XIAP: variants seen among roughly 807,000 people sequenced by gnomAD.
XIAP encodes the protein X-linked inhibitor of apoptosis, also known as E3 ubiquitin-protein ligase XIAP.
Under a neutral mutation model 33.1 loss-of-function variants are expected in XIAP, and 3 were observed. The observed-to-expected ratio is 0.09, with a 90% confidence interval of 0.04 to 0.23. XIAP has a LOEUF of 0.23. XIAP is among the 10% of genes least tolerant of loss of function. The probability of loss-of-function intolerance (pLI) is 1.00; values close to 1 mark genes in which losing one functional copy is unlikely to be tolerated. For missense variants in XIAP, 264 were observed against 363.0 expected, an observed-to-expected ratio of 0.73 and a Z score of 2.22; for synonymous variants, 98 against 121.3, an observed-to-expected ratio of 0.81 and a Z score of 1.26.
intron 1 of XIAP, among the ~76,000 whole-genome samples, chrX:123,865,223 A>C (rs910606609): frequency 9.1e-6 from 1 of 110,274 alleles, no homozygotes; most frequent in Non-Finnish European, 1.9e-5. Context: ...GATAAGATAA[A>C]AAATACTTTA....
intron 1 of XIAP, among the ~76,000 whole-genome samples, chrX:123,865,499 G>A (rs1382219144): frequency 9.2e-6 from 1 of 108,812 alleles, no homozygotes; most frequent in Non-Finnish European, 1.9e-5. Context: ...AGACTGAGGC[G>A]GGCGGATCAC....
chrX:123,883,589 C>T (rs6608130), intron 1 of XIAP, among the ~76,000 whole-genome samples: 38,783 of 103,606 alleles, frequency 0.37, 5,956 homozygotes, highest in African/African-American at 0.46. Flanking sequence ...CTCTGCCTCC[C>T]GGGTTCAAGC....
chrX:123,876,677 C>T (rs1418346453), intron 1 of XIAP, among the ~76,000 whole-genome samples: 1 of 110,003 alleles, frequency 9.1e-6, no homozygotes, highest in Admixed American at 9.8e-5. Context: ...TGCACTCCAA[C>T]TCGGGCAACA....
intron 1 of XIAP, among the ~76,000 whole-genome samples, chrX:123,870,919 A>AC (rs981216605): frequency 3.6e-5 from 4 of 110,966 alleles, no homozygotes; most frequent in Admixed American, 9.7e-5. Flanking sequence ...ACATAGTAAG[A>AC]CCCCATCTCT....
intron 5 of XIAP, among the ~76,000 whole-genome samples, chrX:123,899,746 G>A (rs1458148781): frequency 4.7e-5 from 5 of 107,160 alleles, no homozygotes; most frequent in Non-Finnish European, 9.6e-5. Flanking sequence ...GCTGTGTAGC[G>A]TATGAATATA....
chrX:123,906,020 A>G (rs1379162029), intron 6 of XIAP, among the ~76,000 whole-genome samples: 1 of 112,898 alleles, frequency 8.9e-6, no homozygotes, highest in East Asian at 2.8e-4. Flanking sequence ...AGATGCTAAA[A>G]TAAATAAATA....
rs35753586 is a variant in XIAP at position 123,890,639 on chromosome X, C to CAA, written c.978-582_978-581dup. Among the ~76,000 whole-genome samples the CAA allele has an allele frequency of 7.0e-3, 406 of 58,234 alleles. 3 individuals are homozygous for CAA. The highest frequency in any genetic ancestry group is 0.017 in the African/African-American group (255 of 15,175). 50.6% of individuals were successfully genotyped at this position (58,234 alleles called of 115,157 possible). A position where few individuals can be genotyped will look rare whatever the true frequency, so the allele number is the denominator to read the frequency against. On this transcript the variant is annotated intron_variant, in intron 3 of 6. Transcript: ENST00000371199. ...TGGGCGACAGAGTGAGACACTGTCT[C>CAA]AAAAAAAAAAAAAAAAAACTAGCCG...
At chrX:123,892,156 AG>A (rs2053414239) in intron 4 of XIAP, among the ~76,000 whole-genome samples, 1 of 111,416 alleles carries the variant, frequency 9.0e-6, no homozygotes, top group African/African-American at 3.3e-5. Flanking sequence ...ACCCAAGGTC[AG>A]GAGTTCGAGA....
intron 1 of XIAP, among the ~76,000 whole-genome samples, chrX:123,883,486 CTT>C (rs1279123828): frequency 4.8e-5 from 4 of 82,735 alleles, no homozygotes; most frequent in African/African-American, 1.9e-4. Context: ...TTTTTCTTTT[CTT>C]TTCTTTTCTT....
chrX:123,897,839 GTGA>G (rs1157974450), intron 5 of XIAP, among the ~76,000 whole-genome samples: 82 of 112,650 alleles, frequency 7.3e-4, no homozygotes, highest in African/African-American at 2.4e-3. Context: ...GATTACAGGC[GTGA>G]GCCACTGTGC....
chrX:123,877,358 C>T lies in XIAP; in HGVS notation c.-32-8273C>T, dbSNP rs762546414. Reference sequence around the variant, plus strand: ...CTGGGATTACAGGCATGAGCCACCACGCCCGGCCATTAACTGCTTTTTACA... The same window carrying T: ...CTGGGATTACAGGCATGAGCCACCATGCCCGGCCATTAACTGCTTTTTACA... On this transcript the variant is annotated intron_variant, in intron 1 of 6. Transcript: ENST00000371199. 1.1e-4 allele frequency among the ~76,000 whole-genome samples: 12 copies of T among 111,783 alleles called. No homozygotes were observed. In the South Asian group the frequency reaches 2.6e-3, roughly 24 times the overall value.
chrX:123,873,967 G>C (rs1429139517), intron 1 of XIAP: 1 of 108,457 alleles, frequency 9.2e-6, no homozygotes, highest in Non-Finnish European at 1.9e-5. Context: ...GGGTTGCTCA[G>C]AGGCAGTTAC....
intron 1 of XIAP, among the ~76,000 whole-genome samples, chrX:123,881,490 CCTT>C (rs1284616250): frequency 1.8e-5 from 2 of 111,213 alleles, no homozygotes; most frequent in Non-Finnish European, 3.8e-5. Flanking sequence ...TGGTTTTCCT[CCTT>C]CTCAAAAAGC....
At chrX:123,863,797 G>A (rs2148068301) in intron 1 of XIAP, among the ~76,000 whole-genome samples, 1 of 111,508 alleles carries the variant, frequency 9.0e-6, no homozygotes, top group Non-Finnish European at 1.9e-5. Context: ...ACCTGGCCCA[G>A]CTGTCTCGTT....
rs145798265 is a variant in XIAP, at chrX:123,876,521, T to C, written c.-32-9110T>C. Among the ~76,000 whole-genome samples, 640 of 110,647 alleles carry C rather than the reference T, an allele frequency of 5.8e-3. 5 individuals carry two copies. Among genetic ancestry groups the C allele is most frequent in the African/African-American group, 0.02 (598 of 30,511 alleles). On this transcript the variant is annotated intron_variant, in intron 1 of 6. Transcript: ENST00000371199. ...GAATTCCAGACCAGCCTGTACAGCA[T>C]AGAGAAACCACATCTCTAAGAAAAC...
intron 1 of XIAP, among the ~76,000 whole-genome samples, chrX:123,883,771 C>T (rs1265065753): frequency 3.6e-5 from 4 of 111,410 alleles, no homozygotes; most frequent in African/African-American, 1.3e-4. Flanking sequence ...GCTGGGATTA[C>T]AGGTGTGAAC....
At chrX:123,891,097 G>C in intron 3 of XIAP, 141 bp from the exon 4 acceptor site, 2 of 350,723 alleles carry the variant, frequency 5.7e-6, no homozygotes, top group Non-Finnish European at 1.0e-5. Flanking sequence ...AGGGAATTGG[G>C]TAACATTTTA....
At chrX:123,864,323 A>G (rs1158068431) in intron 1 of XIAP, among the ~76,000 whole-genome samples, 1 of 110,589 alleles carries the variant, frequency 9.0e-6, no homozygotes, top group African/African-American at 3.3e-5. Flanking sequence ...TCTGGTAGGT[A>G]GTATTAGCAG....
chrX:123,900,412 CTA>C (rs1185868186), intron 5 of XIAP, 79 bp from the exon 6 acceptor site: 2 of 851,357 alleles, frequency 2.3e-6, no homozygotes, highest in African/African-American at 4.1e-5. Context: ...TTCATTTTAA[CTA>C]TATTTTGCTA....
Sources: gnomAD v4.1 joint callset for allele counts (sites outside exome capture counted in the v4.1 genomes callset) on GRCh38, gnomAD v4.1.1 for gene constraint, MANE v1.5 for transcripts, NCBI Gene and HGNC (gene_info 2026-07-23, HGNC 2026-07-21) for gene names.